DNASE1: variants seen among roughly 807,000 people sequenced by gnomAD.
The protein encoded by DNASE1 is deoxyribonuclease-1.
In DNASE1, 40 loss-of-function variants were observed where a neutral mutation model predicts 33.9. The observed-to-expected ratio is 1.18, with a 90% confidence interval of 0.92 to 1.54. The LOEUF (loss-of-function observed/expected upper bound fraction) is 1.54, where lower values mean the gene tolerates loss of function less well. Ranked by LOEUF, DNASE1 falls within the 40% of genes most tolerant of loss-of-function variation. The pLI is 0.00. For synonymous variants in DNASE1, 216 were observed against 160.0 expected (o/e 1.35, Z -2.64); for missense variants, 518 against 372.6 (o/e 1.39, Z -3.21).
rs770328454 is a variant in DNASE1, at chr16:3,655,432, C to G, written c.59C>G (p.Ala20Gly). ...GCACTGGCGGCCCTACTGCAGGGGG[C>G]CGTGTCCCTGAAGATCGCAGCCTTC... Reference protein sequence around the residue: ...LLALAALLQGAVSLKIAAFNI... With the variant: ...LLALAALLQGGVSLKIAAFNI... The change falls in exon 2 of 9, where the codon GCC becomes GGC. Residue 20 changes from alanine to glycine, a missense_variant. Coordinates refer to ENST00000246949, the MANE Select transcript of DNASE1 (RefSeq NM_005223.4). 1 of 1,614,066 alleles carries G rather than the reference C, an allele frequency of 6.2e-7. No homozygotes were observed. Among genetic ancestry groups the G allele is most frequent in the East Asian group, 2.2e-5 (1 of 44,870 alleles).
chr16:3,628,861 GT>G (rs72529015), intron 1 of DNASE1, among the ~76,000 whole-genome samples: 54,840 of 132,772 alleles, frequency 0.41, 13,533 homozygotes, highest in African/African-American at 0.72. Flanking sequence ...GCCTGGCTCT[GT>G]TTTTTTTTTT....
chr16:3,637,840 C>T (rs2041915447), intron 1 of DNASE1, among the ~76,000 whole-genome samples: 1 of 152,136 alleles, frequency 6.6e-6, no homozygotes, highest in African/African-American at 2.4e-5. Flanking sequence ...CCCTCGTTTC[C>T]ACTCCTGGGC....
intron 1 of DNASE1, among the ~76,000 whole-genome samples, chr16:3,646,631 T>G (rs2042179863): frequency 6.6e-6 from 1 of 152,028 alleles, no homozygotes. Context: ...TGGAAAGCAT[T>G]GGATTTCGTG....
chr16:3,642,867 T>A (rs935822983), upstream of DNASE1: 1 of 152,312 alleles, frequency 6.6e-6, no homozygotes, highest in African/African-American at 2.4e-5. Flanking sequence ...CCTCAGCCCC[T>A]CCCCTTTTCA....
In DNASE1 at chr16:3,654,793, C is replaced by A; in HGVS notation, c.-253C>A. ...ACAGAGCCATTGTTTTCTGCACTCT[C>A]AGGTGACGGCTCACATTTGCCCCAG... On this transcript the variant is annotated 5_prime_UTR_variant, in exon 1 of 9. Coordinates refer to ENST00000246949, the MANE Select transcript of DNASE1 (RefSeq NM_005223.4). 1 of 401,828 alleles carries A rather than the reference C, an allele frequency of 2.5e-6. No homozygotes were observed. The highest frequency in any genetic ancestry group is 4.4e-6 in the Non-Finnish European group (1 of 228,350). 24.9% of individuals were successfully genotyped at this position (401,828 alleles called of 1,614,324 possible).
intron 1 of DNASE1, among the ~76,000 whole-genome samples, chr16:3,648,451 A>T (rs2042236833): frequency 6.6e-6 from 1 of 151,798 alleles, no homozygotes; most frequent in African/African-American, 2.4e-5. Flanking sequence ...AGTCCCAGCT[A>T]CTCAGGAGGC....
chr16:3,635,553 G>C (rs2041844442), intron 1 of DNASE1, among the ~76,000 whole-genome samples: 1 of 148,376 alleles, frequency 6.7e-6, no homozygotes, highest in Admixed American at 6.7e-5. Flanking sequence ...CTTTATTTCT[G>C]ACCTGTATTA....
At chr16:3,662,244 C>T, downstream of DNASE1, 1 of 1,325,590 alleles carries the variant, frequency 7.5e-7, no homozygotes, top group Non-Finnish European at 1.0e-6. Flanking sequence ...GGCGGGGTCT[C>T]AAGGACTCCC....
At chr16:3,622,783 G>T (rs1411095703) in intron 1 of DNASE1, among the ~76,000 whole-genome samples, 1 of 152,102 alleles carries the variant, frequency 6.6e-6, no homozygotes, top group African/African-American at 2.4e-5. Context: ...TTTTTTCCAT[G>T]TAGAGCTTTA....
At chr16:3,622,547 T>G (rs920749829) in intron 1 of DNASE1, among the ~76,000 whole-genome samples, 7 of 152,228 alleles carry the variant, frequency 4.6e-5, no homozygotes, top group Admixed American at 1.3e-4. Context: ...AAGAACTCTA[T>G]ATTGTGGAAA....
chr16:3,657,463 C>A, intron 7 of DNASE1, 122 bp downstream of exon 7: 1 of 1,372,832 alleles, frequency 7.3e-7, no homozygotes, highest in Non-Finnish European at 9.9e-7. Flanking sequence ...TTCAGTTGAT[C>A]CACTACAGGG....
At chr16:3,663,866 G>T (rs1365689331) in exon 10 of DNASE1, 1 of 397,094 alleles carries the variant, frequency 2.5e-6, no homozygotes, top group Non-Finnish European at 4.6e-6. Context: ...GAGGTCAGGA[G>T]TTCGAGACCA....
chr16:3,656,889 G>T (rs963201614), intron 5 of DNASE1, 110 bp from the exon 6 acceptor site: 2 of 1,546,066 alleles, frequency 1.3e-6, no homozygotes, highest in African/African-American at 2.7e-5. Context: ...CAAGTCATTT[G>T]GAAAATATCC....
rs1170478657 is a variant in DNASE1 at position 3,658,040 on chromosome 16, G to C, written c.*87G>C. ...AGAAAAAAAGCCCAACACACACTCGGGTTAAGAAATACCTTTAAATTTAGG... is the reference window on the plus strand; with the variant it reads ...AGAAAAAAAGCCCAACACACACTCGCGTTAAGAAATACCTTTAAATTTAGG... On this transcript the variant is annotated 3_prime_UTR_variant, in exon 9 of 9. Coordinates refer to ENST00000246949, the MANE Select transcript of DNASE1 (RefSeq NM_005223.4). 1 of 1,607,844 alleles carries C rather than the reference G, an allele frequency of 6.2e-7. No homozygotes were observed. Among genetic ancestry groups the C allele is most frequent in the Non-Finnish European group, 8.5e-7 (1 of 1,176,398 alleles).
chr16:3,662,358 C>T (rs1190602281), downstream of DNASE1: 1 of 609,874 alleles, frequency 1.6e-6, no homozygotes, highest in East Asian at 2.8e-5. Context: ...ACCCTGGTGC[C>T]CCGCTGCTGC....
intron 1 of DNASE1, among the ~76,000 whole-genome samples, chr16:3,628,515 T>C (rs1050515038): frequency 6.6e-6 from 1 of 152,102 alleles, no homozygotes; most frequent in Non-Finnish European, 1.5e-5. Context: ...TTTTAGTCAT[T>C]CACTATTGAG....
At chr16:3,664,400 G>C in exon 10 of DNASE1, 2 of 1,612,424 alleles carry the variant, frequency 1.2e-6, no homozygotes, top group East Asian at 4.5e-5. Context: ...CTGAGAGGCT[G>C]GTTAGCTGCC....
upstream of DNASE1, among the ~76,000 whole-genome samples, chr16:3,639,935 T>C (rs535816590): frequency 6.6e-6 from 1 of 152,208 alleles, no homozygotes. Context: ...TGAATTTTGT[T>C]GAATTCCTTT....
At chr16:3,616,676 C>T (rs1181452156) in intron 1 of DNASE1, among the ~76,000 whole-genome samples, 1 of 152,086 alleles carries the variant, frequency 6.6e-6, no homozygotes, top group African/African-American at 2.4e-5. Context: ...GCAAGGGGCT[C>T]TTAATACCCA....
Sources: allele counts gnomAD v4.1 joint callset (sites outside exome capture counted in the v4.1 genomes callset), GRCh38; gene constraint gnomAD v4.1.1; transcripts MANE v1.5; gene names NCBI Gene and HGNC (gene_info 2026-07-23, HGNC 2026-07-21).